The following SNTG1 variants were observed in gnomAD, a reference collection of about 807,000 sequenced individuals.
SNTG1 encodes the protein gamma-1-syntrophin.
SNTG1 carries 39 observed loss-of-function variants against 74.7 expected under a neutral mutation model. That is an observed-to-expected ratio of 0.52 (90% CI 0.40 to 0.68). The LOEUF is 0.68. SNTG1 is among the 30% of genes least tolerant of loss of function. The pLI is 0.00. For synonymous variants in SNTG1, 254 were observed against 217.1 expected, an observed-to-expected ratio of 1.17 and a Z score of -1.49; for missense variants, 685 against 609.5, an observed-to-expected ratio of 1.12 and a Z score of -1.30.
At chr8:50,367,154 A>G (rs2092138030) in intron 2 of SNTG1, among the ~76,000 whole-genome samples, 2 of 151,926 alleles carry the variant, frequency 1.3e-5, no homozygotes, top group Non-Finnish European at 2.9e-5. Context: ...ATTCATTTAT[A>G]TAATAGAGTG....
chr8:50,732,286 AGCC>A (rs2095514724), intron 17 of SNTG1, among the ~76,000 whole-genome samples: 1 of 152,006 alleles, frequency 6.6e-6, no homozygotes, highest in African/African-American at 2.4e-5. Flanking sequence ...TTTATAGTTA[AGCC>A]AAGCTAAAAA....
At chr8:50,618,256 C>G (rs868297391) in intron 13 of SNTG1, among the ~76,000 whole-genome samples, 1 of 152,120 alleles carries the variant, frequency 6.6e-6, no homozygotes, top group African/African-American at 2.4e-5. Flanking sequence ...TGTAACTGTT[C>G]CTTTGTTCTC....
chr8:50,151,019 C>A (rs894224718), intron 1 of SNTG1, among the ~76,000 whole-genome samples: 1 of 152,100 alleles, frequency 6.6e-6, no homozygotes, highest in Non-Finnish European at 1.5e-5. Context: ...TGGTAGAATT[C>A]GGCTGTGAAT....
chr8:50,441,861 T>A (rs2093360433), intron 5 of SNTG1, among the ~76,000 whole-genome samples: 1 of 152,250 alleles, frequency 6.6e-6, no homozygotes, highest in African/African-American at 2.4e-5. Flanking sequence ...ATTACTGATT[T>A]ATCTTCATGG....
chr8:50,132,369 G>A (rs948755725), intron 1 of SNTG1, among the ~76,000 whole-genome samples: 1 of 152,036 alleles, frequency 6.6e-6, no homozygotes, highest in African/African-American at 2.4e-5. Flanking sequence ...ATTTATGGGT[G>A]AGATTCAGGG....
intron 9 of SNTG1, among the ~76,000 whole-genome samples, chr8:50,528,221 AGTG>A (rs1249771173): frequency 6.6e-6 from 1 of 151,850 alleles, no homozygotes; most frequent in Non-Finnish European, 1.5e-5. Context: ...TCTTGATACT[AGTG>A]GGGAATAATC....
chr8:50,451,909 C>T (rs1376179060), intron 8 of SNTG1, among the ~76,000 whole-genome samples: 5 of 152,014 alleles, frequency 3.3e-5, no homozygotes, highest in Admixed American at 1.3e-4. Context: ...GAGGATAAAT[C>T]GTATTTAAAA....
chr8:50,480,799 T>C (rs1810289465), intron 8 of SNTG1, among the ~76,000 whole-genome samples: 1 of 152,114 alleles, frequency 6.6e-6, no homozygotes, highest in Non-Finnish European at 1.5e-5. Flanking sequence ...ACAACAGAAA[T>C]CAGCCTATAT....
intron 18 of SNTG1, among the ~76,000 whole-genome samples, chr8:50,783,048 G>A (rs559838194): frequency 9.9e-4 from 150 of 152,168 alleles, no homozygotes; most frequent in Non-Finnish European, 1.8e-3. Flanking sequence ...GCTGCTGTCT[G>A]ATCGTTCCTC....
At chr8:50,281,359 T>C (rs1325724056) in intron 2 of SNTG1, among the ~76,000 whole-genome samples, 1 of 152,162 alleles carries the variant, frequency 6.6e-6, no homozygotes, top group Non-Finnish European at 1.5e-5. Context: ...GGAATCCCCT[T>C]GGTTCATAGG....
intron 2 of SNTG1, among the ~76,000 whole-genome samples, chr8:50,256,942 G>A (rs2086911496): frequency 6.6e-6 from 1 of 152,160 alleles, no homozygotes; most frequent in Admixed American, 6.6e-5. Flanking sequence ...TACCACCTCT[G>A]TGTTCAGTTC....
At chr8:50,724,456 A>G (rs2095495222) in intron 17 of SNTG1, among the ~76,000 whole-genome samples, 1 of 152,184 alleles carries the variant, frequency 6.6e-6, no homozygotes, top group Non-Finnish European at 1.5e-5. Context: ...TAGCTAACAA[A>G]TTGGTTTCCT....
intron 1 of SNTG1, among the ~76,000 whole-genome samples, chr8:50,113,921 C>CAAATAAATAAAT (rs3086086): frequency 6.7e-6 from 1 of 149,374 alleles, no homozygotes; most frequent in Non-Finnish European, 1.5e-5. Context: ...TAAAAATATA[C>CAAATAAATAAAT]AAATAAATAA....
chr8:50,582,559 C>T (rs2094617536), intron 12 of SNTG1, among the ~76,000 whole-genome samples: 2 of 151,694 alleles, frequency 1.3e-5, no homozygotes, highest in African/African-American at 2.4e-5. Flanking sequence ...TGTGTGTGTA[C>T]ATGTACTATG....
chr8:50,730,451 A>G (rs1188567599), intron 17 of SNTG1, among the ~76,000 whole-genome samples: 1 of 152,128 alleles, frequency 6.6e-6, no homozygotes, highest in East Asian at 1.9e-4. Context: ...ACTACTCAGC[A>G]CTCTGTTTGC....
At chr8:49,928,277 G>C (rs1807227875) in intron 1 of SNTG1, among the ~76,000 whole-genome samples, 1 of 151,436 alleles carries the variant, frequency 6.6e-6, no homozygotes, top group Non-Finnish European at 1.5e-5. Flanking sequence ...CCCCAGACTG[G>C]AGTGCAGTGG....
At chr8:50,152,209 T>C (rs1395521778) in intron 1 of SNTG1, among the ~76,000 whole-genome samples, 1 of 152,220 alleles carries the variant, frequency 6.6e-6, no homozygotes, top group Non-Finnish European at 1.5e-5. Flanking sequence ...GTCTGTTTTA[T>C]CAGAGACTGG....
chr8:50,152,735 C>T (rs1174082260), intron 1 of SNTG1, among the ~76,000 whole-genome samples: 1 of 152,098 alleles, frequency 6.6e-6, no homozygotes, highest in African/African-American at 2.4e-5. Context: ...AATATTGGCC[C>T]CCACTCTCTT....
At chr8:49,987,429 G>T (rs904336622) in intron 1 of SNTG1, among the ~76,000 whole-genome samples, 10 of 152,084 alleles carry the variant, frequency 6.6e-5, no homozygotes, top group African/African-American at 2.4e-4. Context: ...CACCTAAAAA[G>T]AGTCTTCTTG....
Sources: allele counts gnomAD v4.1 joint callset (sites outside exome capture counted in the v4.1 genomes callset), GRCh38; gene constraint gnomAD v4.1.1; transcripts MANE v1.5; gene names NCBI Gene and HGNC (gene_info 2026-07-23, HGNC 2026-07-21).